BCAR3: variants seen among roughly 807,000 people sequenced by gnomAD.
BCAR3 encodes breast cancer anti-estrogen resistance protein 3.
Under a neutral mutation model 80.1 loss-of-function variants are expected in BCAR3, and 37 were observed. The ratio of observed to expected loss-of-function variants is 0.46; its 90% CI spans 0.36 to 0.61. The LOEUF is 0.61. Ranked by LOEUF, BCAR3 falls within the 20% of genes least tolerant of loss-of-function variation. The pLI is 0.00. For synonymous variants in BCAR3, 389 were observed against 418.9 expected (o/e 0.93, Z 0.87); for missense variants, 978 against 1,068.2 (o/e 0.92, Z 1.18).
At chr1:93,664,130 T>C (rs1647787097) in intron 2 of BCAR3, among the ~76,000 whole-genome samples, 1 of 152,208 alleles carries the variant, frequency 6.6e-6, no homozygotes, top group Non-Finnish European at 1.5e-5. Flanking sequence ...CTTTTCTTTT[T>C]ACTTTGAGAC....
rs533514624 is a variant in BCAR3 at position 93,748,354 on chromosome 1, G to A, written c.-62-42212C>T. Reference sequence around the variant, plus strand: ...ATCTCCCTTTTTACTCTCCATTCACGAAGGGTTGCATCCTAATTGCGATAT... The same window carrying A: ...ATCTCCCTTTTTACTCTCCATTCACAAAGGGTTGCATCCTAATTGCGATAT... On this transcript the variant is annotated intron_variant, in intron 2 of 13. Coordinates refer to the BCAR3 transcript ENST00000370244. Among the ~76,000 whole-genome samples the A allele has an allele frequency of 5.3e-5, 8 of 152,146 alleles. No individual in the cohort carries two copies. In the South Asian group the frequency reaches 1.5e-3, roughly 28 times the overall value.
intron 3 of BCAR3, among the ~76,000 whole-genome samples, chr1:93,641,604 G>A (rs1007546198): frequency 7.2e-5 from 11 of 152,168 alleles, no homozygotes; most frequent in Admixed American, 6.5e-5. Flanking sequence ...TTCCTGCTCC[G>A]AAGAAATACA....
chr1:93,718,688 CTTTTTT>C (rs71094259), intron 2 of BCAR3, among the ~76,000 whole-genome samples: 3 of 77,056 alleles, frequency 3.9e-5, no homozygotes, highest in Admixed American at 1.7e-4. Flanking sequence ...CATTGTTTTT[CTTTTTT>C]TTTTTTTTTT....
At chr1:93,643,693 A>T (rs1357476722) in intron 2 of BCAR3, among the ~76,000 whole-genome samples, 1 of 152,100 alleles carries the variant, frequency 6.6e-6, no homozygotes, top group African/African-American at 2.4e-5. Context: ...ACGTAGGATG[A>T]ACAAGCATAG....
At chr1:93,752,234 C>A (rs1221321715) in intron 2 of BCAR3, among the ~76,000 whole-genome samples, 2 of 152,198 alleles carry the variant, frequency 1.3e-5, no homozygotes, top group African/African-American at 4.8e-5. Context: ...CCTGTAGAGG[C>A]CATTTCTGGT....
At chr1:93,660,448 C>G (rs1374503139) in intron 2 of BCAR3, among the ~76,000 whole-genome samples, 1 of 152,192 alleles carries the variant, frequency 6.6e-6, no homozygotes, top group African/African-American at 2.4e-5. Context: ...ACCAAGAGAA[C>G]AGACAGAGTT....
At chr1:93,591,743 C>CT (rs1674206036) in intron 4 of BCAR3, among the ~76,000 whole-genome samples, 1 of 152,154 alleles carries the variant, frequency 6.6e-6, no homozygotes, top group Non-Finnish European at 1.5e-5. Context: ...TTTAATTCCC[C>CT]TTTTTTCCCA....
chr1:93,590,757 T>C (rs895005959), intron 4 of BCAR3, among the ~76,000 whole-genome samples: 2 of 152,218 alleles, frequency 1.3e-5, no homozygotes, highest in South Asian at 4.1e-4. Flanking sequence ...AAAATAATTG[T>C]AGGTATGAAC....
At chr1:93,780,101 CCTTTT>C (rs1178202093) in intron 2 of BCAR3, among the ~76,000 whole-genome samples, 4 of 152,322 alleles carry the variant, frequency 2.6e-5, no homozygotes, top group Middle Eastern at 6.8e-3. Flanking sequence ...CAAACCTCAG[CCTTTT>C]CTTTTCTGTT....
intron 3 of BCAR3, among the ~76,000 whole-genome samples, chr1:93,596,134 C>T (rs994825840): frequency 2.6e-5 from 4 of 152,166 alleles, no homozygotes; most frequent in African/African-American, 9.7e-5. Context: ...ATTTATTCTA[C>T]GAATGCCCTA....
intron 2 of BCAR3, among the ~76,000 whole-genome samples, chr1:93,658,571 G>C (rs548522495): frequency 6.6e-6 from 1 of 152,230 alleles, no homozygotes; most frequent in East Asian, 1.9e-4. Flanking sequence ...AGAATTGTTT[G>C]AACCCTGGAG....
At chr1:93,624,746 T>C (rs1675406098) in intron 3 of BCAR3, among the ~76,000 whole-genome samples, 1 of 152,230 alleles carries the variant, frequency 6.6e-6, no homozygotes, top group African/African-American at 2.4e-5. Context: ...ACGTGGCTCT[T>C]GTTCATGGTA....
chr1:93,733,603 A>G (rs1392249534), intron 2 of BCAR3, among the ~76,000 whole-genome samples: 1 of 152,268 alleles, frequency 6.6e-6, no homozygotes, highest in Non-Finnish European at 1.5e-5. Flanking sequence ...GGCACAGTGT[A>G]AACACAGGTC....
At chr1:93,751,290 A>G (rs917649548) in intron 2 of BCAR3, among the ~76,000 whole-genome samples, 8 of 152,194 alleles carry the variant, frequency 5.3e-5, no homozygotes, top group Admixed American at 5.2e-4. Flanking sequence ...AGTGGGTGAC[A>G]GGAAGACTGT....
rs1470442522 is a variant in BCAR3, at chr1:93,674,720, C to T, written c.211G>A (p.Gly71Ser). ...GGGGATTTGGAGTGGGGGAGGGTGC[C>T]CATGTGACTGAAGTCATCACAGGAC... ...IRSCDDFSHM[G>S]TLPHSKSPRQ... Residue 71 changes from glycine (G) to serine (S), a missense_variant, in exon 2 of 12, where the codon GGC becomes AGC. Coordinates refer to ENST00000260502, the MANE Select transcript of BCAR3 (RefSeq NM_003567.4). 2.5e-6 allele frequency: 4 copies of T among 1,613,818 alleles called. No individual in the cohort carries two copies. Among genetic ancestry groups the T allele is most frequent in the Non-Finnish European group, 3.4e-6 (4 of 1,179,978 alleles).
At chr1:93,672,921 T>C (rs1300624731) in intron 2 of BCAR3, among the ~76,000 whole-genome samples, 1 of 152,182 alleles carries the variant, frequency 6.6e-6, no homozygotes, top group Non-Finnish European at 1.5e-5. Flanking sequence ...ACCAACACTG[T>C]TCTCCTCTCA....
chr1:93,697,153 T>C (rs1384604097), intron 3 of BCAR3, among the ~76,000 whole-genome samples: 1 of 152,234 alleles, frequency 6.6e-6, no homozygotes, highest in Non-Finnish European at 1.5e-5. Context: ...ACCAGAAACT[T>C]GGCTTCAGAC....
chr1:93,779,004 T>C (rs1265491461), intron 2 of BCAR3, among the ~76,000 whole-genome samples: 2 of 152,184 alleles, frequency 1.3e-5, no homozygotes, highest in Non-Finnish European at 2.9e-5. Flanking sequence ...CAGGTTCTGA[T>C]ATCTTGGCCA....
intron 2 of BCAR3, among the ~76,000 whole-genome samples, chr1:93,781,437 T>C (rs1360148230): frequency 6.6e-6 from 1 of 152,240 alleles, no homozygotes; most frequent in Non-Finnish European, 1.5e-5. Context: ...CATTAGTCCA[T>C]GAATATTAAT....
Sources: allele counts gnomAD v4.1 joint callset (sites outside exome capture counted in the v4.1 genomes callset), GRCh38; gene constraint gnomAD v4.1.1; transcripts MANE v1.5; gene names NCBI Gene and HGNC (gene_info 2026-07-23, HGNC 2026-07-21).